KCNQ3: variants seen among roughly 807,000 people sequenced by gnomAD.
KCNQ3 encodes potassium voltage-gated channel subfamily KQT member 3.
Under a neutral mutation model 92.5 loss-of-function variants are expected in KCNQ3, and 30 were observed. That is an observed-to-expected ratio of 0.32 (90% CI 0.24 to 0.44). The LOEUF is 0.44. Ranked by LOEUF, KCNQ3 falls within the 20% of genes least tolerant of loss-of-function variation. The pLI is 1.00. For missense variants in KCNQ3, 913 were observed against 1,140.3 expected (o/e 0.80, Z 2.87); for synonymous variants, 450 against 468.8 (o/e 0.96, Z 0.52).
intron 1 of KCNQ3, among the ~76,000 whole-genome samples, chr8:132,413,700 A>G (rs563919778): frequency 6.6e-6 from 1 of 152,352 alleles, no homozygotes; most frequent in South Asian, 2.1e-4. Flanking sequence ...CAAGATGGAA[A>G]ATACCCCCTT....
In KCNQ3 at chr8:132,321,870, C is replaced by T. The variant is rs149143802; in HGVS notation, c.387-135689G>A. ...TCTGACACCTCAGGGCCCACCTCCCCACCTGTACTGGCCGGGCCCTGGGCA... is the reference window on the plus strand; with the variant it reads ...TCTGACACCTCAGGGCCCACCTCCCTACCTGTACTGGCCGGGCCCTGGGCA... On this transcript the variant is annotated intron_variant, in intron 1 of 14. Coordinates refer to ENST00000388996, the MANE Select transcript of KCNQ3 (RefSeq NM_004519.4). 4.7e-4 allele frequency among the ~76,000 whole-genome samples: 72 copies of T among 152,290 alleles called. 2 individuals are homozygous for T. Among genetic ancestry groups the T allele is most frequent in the African/African-American group, 1.7e-3 (71 of 41,560 alleles).
intron 1 of KCNQ3, among the ~76,000 whole-genome samples, chr8:132,283,023 A>T (rs1457074544): frequency 2.0e-5 from 3 of 152,086 alleles, no homozygotes; most frequent in African/African-American, 7.2e-5. Context: ...GGAGGGAATC[A>T]CAGATGGGAA....
intron 1 of KCNQ3, among the ~76,000 whole-genome samples, chr8:132,435,186 A>G (rs1821360899): frequency 6.6e-6 from 1 of 152,192 alleles, no homozygotes; most frequent in South Asian, 2.1e-4. Flanking sequence ...CCTGGACCCA[A>G]TGCTCCCACT....
chr8:132,384,586 T>A (rs998779285), intron 1 of KCNQ3, among the ~76,000 whole-genome samples: 2 of 152,190 alleles, frequency 1.3e-5, no homozygotes, highest in African/African-American at 4.8e-5. Flanking sequence ...AAGAATTCTA[T>A]ACCTGTCAGC....
chr8:132,178,695 C>G (rs1437104982), intron 4 of KCNQ3, among the ~76,000 whole-genome samples: 3 of 152,000 alleles, frequency 2.0e-5, no homozygotes, highest in Non-Finnish European at 2.9e-5. Flanking sequence ...ACCACTACCC[C>G]TTCAACGTAT....
intron 1 of KCNQ3, among the ~76,000 whole-genome samples, chr8:132,283,152 G>A (rs1478207367): frequency 1.3e-5 from 2 of 151,278 alleles, no homozygotes; most frequent in African/African-American, 4.9e-5. Flanking sequence ...AATTCTTGTT[G>A]AGTATCTGCT....
Position 132,304,929 on chromosome 8 carries a change from G to T in KCNQ3, c.387-118748C>A, listed in dbSNP as rs1036183723. ...GAATTAATATCGATTGGGAAATGAG[G>T]CAATTAGGGAGTAACTGAAGGAAAG... On this transcript the variant is annotated intron_variant, in intron 1 of 14. Coordinates refer to ENST00000388996, the MANE Select transcript of KCNQ3 (RefSeq NM_004519.4). 8.5e-5 allele frequency among the ~76,000 whole-genome samples: 13 copies of T among 152,268 alleles called. No homozygotes were observed. The South Asian group carries it at 2.5e-3, about 29-fold the overall frequency.
intron 9 of KCNQ3, among the ~76,000 whole-genome samples, chr8:132,151,501 A>C (rs1222962894): frequency 6.6e-6 from 1 of 152,254 alleles, no homozygotes; most frequent in African/African-American, 2.4e-5. Context: ...TATTGATTAA[A>C]TACAAAAGGG....
chr8:132,305,837 A>G (rs1258056060), intron 1 of KCNQ3, among the ~76,000 whole-genome samples: 1 of 152,078 alleles, frequency 6.6e-6, no homozygotes, highest in Non-Finnish European at 1.5e-5. Context: ...CCCATTTTCT[A>G]CACAACTTCC....
chr8:132,177,564 A>G (rs1304518340), intron 4 of KCNQ3, among the ~76,000 whole-genome samples: 1 of 152,236 alleles, frequency 6.6e-6, no homozygotes, highest in African/African-American at 2.4e-5. Flanking sequence ...CCCAGCACAC[A>G]TCGGATACAC....
intron 1 of KCNQ3, among the ~76,000 whole-genome samples, chr8:132,213,800 C>T (rs1813941498): frequency 6.6e-6 from 1 of 152,200 alleles, no homozygotes; most frequent in African/African-American, 2.4e-5. Flanking sequence ...CCCTTGACCT[C>T]ACGGGGCTCT....
chr8:132,411,450 G>C (rs1459858992), intron 1 of KCNQ3, among the ~76,000 whole-genome samples: 1 of 152,156 alleles, frequency 6.6e-6, no homozygotes, highest in Non-Finnish European at 1.5e-5. Context: ...TCAGCAGAAA[G>C]AGAAGGAGGT....
At chr8:132,206,341 G>A (rs1223037767) in intron 1 of KCNQ3, among the ~76,000 whole-genome samples, 1 of 152,136 alleles carries the variant, frequency 6.6e-6, no homozygotes, top group African/African-American at 2.4e-5. Context: ...CACTTTGCAT[G>A]TCCACTGACA....
At chr8:132,275,621 A>G (rs530401948) in intron 1 of KCNQ3, among the ~76,000 whole-genome samples, 108 of 150,646 alleles carry the variant, frequency 7.2e-4, no homozygotes, top group Admixed American at 4.6e-3. Flanking sequence ...TCTGTCGCCC[A>G]GGCTGGAGTG....
At chr8:132,410,195 T>C (rs549216405) in intron 1 of KCNQ3, among the ~76,000 whole-genome samples, 12 of 152,304 alleles carry the variant, frequency 7.9e-5, no homozygotes, top group South Asian at 6.2e-4. Context: ...ATGACTATAA[T>C]GAGCCTTATT....
At chr8:132,352,872 C>T (rs1818913365) in intron 1 of KCNQ3, among the ~76,000 whole-genome samples, 1 of 152,098 alleles carries the variant, frequency 6.6e-6, no homozygotes, top group Non-Finnish European at 1.5e-5. Flanking sequence ...AGGCACACTG[C>T]CCTGACCCCA....
intron 1 of KCNQ3, among the ~76,000 whole-genome samples, chr8:132,295,628 A>G (rs1053709670): frequency 7.2e-5 from 11 of 152,188 alleles, no homozygotes; most frequent in African/African-American, 2.7e-4. Context: ...GACATGGAAT[A>G]AGCCCAAATG....
At chr8:132,348,612 G>A (rs1453567369) in intron 1 of KCNQ3, among the ~76,000 whole-genome samples, 1 of 152,216 alleles carries the variant, frequency 6.6e-6, no homozygotes, top group African/African-American at 2.4e-5. Flanking sequence ...GCAGCAGCAT[G>A]TGGCTAGTGG....
intron 1 of KCNQ3, among the ~76,000 whole-genome samples, chr8:132,397,476 G>A (rs1820222476): frequency 6.6e-6 from 1 of 152,160 alleles, no homozygotes; most frequent in Non-Finnish European, 1.5e-5. Context: ...GACTATCTAC[G>A]CTGCATAGGG....
Sources: allele counts gnomAD v4.1 joint callset (sites outside exome capture counted in the v4.1 genomes callset), GRCh38; gene constraint gnomAD v4.1.1; transcripts MANE v1.5; gene names NCBI Gene and HGNC (gene_info 2026-07-23, HGNC 2026-07-21).